Variants in BCAS3 observed in about 807,000 individuals in gnomAD.
BCAS3 encodes the protein BCAS3 microtubule associated cell migration factor, also known as BCAS4/BCAS3 fusion.
A neutral mutation model predicts 116.1 loss-of-function variants in BCAS3; 53 were observed. The ratio of observed to expected loss-of-function variants is 0.46; its 90% confidence interval spans 0.37 to 0.57. The LOEUF (loss-of-function observed/expected upper bound fraction) is 0.57, where lower values mean the gene tolerates loss of function less well. Among genes scored for constraint, BCAS3 ranks in the 20% least tolerant of loss-of-function variants. The pLI, the probability that BCAS3 is intolerant of heterozygous loss-of-function variation, is 0.00. For synonymous variants in BCAS3, 391 were observed against 408.2 expected, an observed-to-expected ratio of 0.96 and a Z score of 0.51; for missense variants, 917 against 1,165.4, an observed-to-expected ratio of 0.79 and a Z score of 3.10.
At chr17:61,231,869 C>CAAAAAA (rs72247548) in intron 22 of BCAS3, among the ~76,000 whole-genome samples, 1 of 100,414 alleles carries the variant, frequency 1.0e-5, no homozygotes, top group African/African-American at 4.4e-5. Context: ...GACCCTGTCT[C>CAAAAAA]AAAAAAAAAA....
At chr17:61,042,890 A>AC (rs1355184513) in intron 19 of BCAS3, among the ~76,000 whole-genome samples, 55 of 102,912 alleles carry the variant, frequency 5.3e-4, no homozygotes, top group African/African-American at 2.7e-3. Context: ...ACTCCATCTC[A>AC]CAAAAAAAAA....
chr17:61,121,872 G>A (rs2075810207), intron 22 of BCAS3, among the ~76,000 whole-genome samples: 1 of 152,160 alleles, frequency 6.6e-6, no homozygotes, highest in Non-Finnish European at 1.5e-5. Flanking sequence ...TGGGATTACA[G>A]GCGCCTGCCA....
chr17:60,997,186 C>T (rs905743425), intron 15 of BCAS3, among the ~76,000 whole-genome samples: 1 of 152,202 alleles, frequency 6.6e-6, no homozygotes, highest in Non-Finnish European at 1.5e-5. Flanking sequence ...AGGAGGTGAG[C>T]TCAGGTGGTA....
chr17:60,765,508 G>T (rs1386272043), intron 6 of BCAS3, among the ~76,000 whole-genome samples: 1 of 152,238 alleles, frequency 6.6e-6, no homozygotes, highest in African/African-American at 2.4e-5. Context: ...TAAAAATGTT[G>T]AATATTGGCC....
At chr17:60,712,416 T>G (rs2144031353) in intron 5 of BCAS3, among the ~76,000 whole-genome samples, 1 of 152,102 alleles carries the variant, frequency 6.6e-6, no homozygotes. Context: ...AAAATAAGCT[T>G]CTTATATTTC....
intron 1 of BCAS3, among the ~76,000 whole-genome samples, chr17:60,678,774 C>G (rs976199186): frequency 2.0e-5 from 3 of 152,112 alleles, no homozygotes; most frequent in Non-Finnish European, 2.9e-5. Context: ...AAATATTGTA[C>G]CATGTGTATT....
chr17:60,807,247 T>G (rs2011934187), intron 6 of BCAS3, among the ~76,000 whole-genome samples: 1 of 152,214 alleles, frequency 6.6e-6, no homozygotes, highest in African/African-American at 2.4e-5. Flanking sequence ...GAGAGTTTAT[T>G]TTTTTCATAT....
chr17:61,237,077 T>C (rs186983886), intron 22 of BCAS3, among the ~76,000 whole-genome samples: 1 of 152,316 alleles, frequency 6.6e-6, no homozygotes, highest in East Asian at 1.9e-4. Flanking sequence ...TAAGTTAACA[T>C]GTATTGAAAG....
In BCAS3 at chr17:61,145,779, G is replaced by GTT. The variant is rs574794404; in HGVS notation, c.2425+61217_2425+61218dup. 4.7e-3 allele frequency among the ~76,000 whole-genome samples: 709 copies of GTT among 152,224 alleles called. 6 individuals carry two copies. The highest frequency in any genetic ancestry group is 7.4e-3 in the Non-Finnish European group (502 of 68,008). On this transcript the variant is annotated intron_variant, in intron 22 of 23. Transcript: ENST00000407086. This position sits in a 1 kb window ranked among gnomAD's most constrained non-coding sequence, Gnocchi z 5.0. The stretch of plus-strand genomic sequence containing the variant: ...TCGTTTCCCTCTCTGGGGGGTTCCT[G>GTT]TTTAATATGAAAGTCCTCTTAACAA...
At position 61,377,441 on chromosome 17, in the gene BCAS3, T is replaced by A. The variant is rs2059390447; in HGVS notation, c.2593+8947T>A. ...TTCCACTGGCAGGAGAGGCCAAATC[T>A]GAGAGTCCTTTCAGTTCCCAGCACC... On this transcript the variant is annotated intron_variant, in intron 23 of 23. Coordinates refer to ENST00000407086, the MANE Select transcript of BCAS3 (RefSeq NM_017679.5). The surrounding 1 kb of genome is among the most constrained non-coding windows in gnomAD (Gnocchi z 4.6). 6.6e-6 allele frequency among the ~76,000 whole-genome samples: 1 copy of A among 152,220 alleles called. No homozygotes were observed. Among genetic ancestry groups the A allele is most frequent in the Non-Finnish European group, 1.5e-5 (1 of 68,034 alleles).
At chr17:61,050,272 T>C (rs868720430) in intron 19 of BCAS3, among the ~76,000 whole-genome samples, 4 of 152,094 alleles carry the variant, frequency 2.6e-5, no homozygotes, top group Middle Eastern at 3.4e-3. Context: ...GGTAAATGGA[T>C]GAGATATTTT....
At position 61,343,143 on chromosome 17, in the gene BCAS3, C is replaced by T. The variant is rs913060888; in HGVS notation, c.2426-25184C>T. 1.3e-5 allele frequency among the ~76,000 whole-genome samples: 2 copies of T among 152,160 alleles called. No individual in the cohort carries two copies. Among genetic ancestry groups the T allele is most frequent in the Non-Finnish European group, 2.9e-5 (2 of 68,050 alleles). ...CCTGGGCCACCGAGGAGGGTCAATT[C>T]GTGGAGGGGTGGCACCAAATGCCTC... On this transcript the variant is annotated intron_variant, in intron 22 of 23. Transcript: ENST00000407086. This position sits in a 1 kb window ranked among gnomAD's most constrained non-coding sequence, Gnocchi z 5.5.
intron 19 of BCAS3, among the ~76,000 whole-genome samples, chr17:61,074,257 C>T (rs541077691): frequency 5.0e-4 from 75 of 150,972 alleles, no homozygotes; most frequent in Non-Finnish European, 8.7e-4. Flanking sequence ...AAAAAAATAC[C>T]TTTAGAGACA....
chr17:60,822,219 G>GT (rs2050026668), intron 7 of BCAS3, among the ~76,000 whole-genome samples: 1 of 152,152 alleles, frequency 6.6e-6, no homozygotes, highest in African/African-American at 2.4e-5. Context: ...GAAATTTCCA[G>GT]TTTTTCTGCC....
intron 7 of BCAS3, chr17:60,811,077 G>A: frequency 1.6e-6 from 1 of 633,488 alleles, no homozygotes; most frequent in Non-Finnish European, 2.9e-6. Flanking sequence ...GTACAGTCCA[G>A]TTCTTGGATA....
intron 22 of BCAS3, among the ~76,000 whole-genome samples, chr17:61,138,116 A>G (rs2076741100): frequency 6.6e-6 from 1 of 152,240 alleles, no homozygotes; most frequent in South Asian, 2.1e-4. Flanking sequence ...GATAATGGAA[A>G]TGTGGCGTAT....
chr17:60,959,130 C>G (rs1490313747), intron 14 of BCAS3, among the ~76,000 whole-genome samples: 1 of 151,798 alleles, frequency 6.6e-6, no homozygotes, highest in African/African-American at 2.4e-5. Context: ...CATAGAAAGA[C>G]TCTGTCTCTA....
intron 5 of BCAS3, chr17:60,727,131 T>C (rs1007743638): frequency 1.2e-5 from 6 of 505,970 alleles, no homozygotes; most frequent in African/African-American, 9.7e-5. Flanking sequence ...TTCAACATTT[T>C]CTCTTCAAAA....
Position 61,106,045 on chromosome 17 carries a change from T to G in BCAS3, c.2425+21481T>G, listed in dbSNP as rs1157998173. On this transcript the variant is annotated intron_variant, in intron 22 of 23. Coordinates refer to ENST00000407086, the MANE Select transcript of BCAS3 (RefSeq NM_017679.5). The surrounding 1 kb of genome is among the most constrained non-coding windows in gnomAD (Gnocchi z 4.2). ...TTTGGTCACTTGGCAGCCGTCTTGG[T>G]TGCAGTATTACAGTGCTTGTATTCA... Among the ~76,000 whole-genome samples the G allele has an allele frequency of 4.5e-4, 68 of 152,222 alleles. No homozygotes were observed. The highest frequency in any genetic ancestry group is 4.4e-3 in the Admixed American group (68 of 15,286).
Sources: gnomAD v4.1 joint callset for allele counts (sites outside exome capture counted in the v4.1 genomes callset) on GRCh38, gnomAD v4.1.1 for gene constraint, Gnocchi (gnomAD v3.1) non-coding constraint, MANE v1.5 for transcripts, NCBI Gene and HGNC (gene_info 2026-07-23, HGNC 2026-07-21) for gene names.